CHD6: variants seen among roughly 807,000 people sequenced by gnomAD.
The protein encoded by CHD6 is chromodomain helicase DNA binding protein 6, also known as ATP-dependent chromatin remodeler CHD6.
In CHD6, 50 loss-of-function variants were observed where a neutral mutation model predicts 276.9. The observed-to-expected ratio is 0.18, with a 90% CI of 0.14 to 0.23. CHD6 has a LOEUF of 0.23. Ranked by LOEUF, CHD6 falls within the 10% of genes least tolerant of loss-of-function variation. The pLI is 1.00. For missense variants in CHD6, 2,564 were observed against 3,365.8 expected (o/e 0.76, Z 5.89); for synonymous variants, 1,173 against 1,229.3 (o/e 0.95, Z 0.96).
chr20:41,613,775 C>T (rs2045910713), intron 1 of CHD6, among the ~76,000 whole-genome samples: 1 of 152,112 alleles, frequency 6.6e-6, no homozygotes, highest in Admixed American at 6.5e-5. Context: ...GGCACAGATC[C>T]GTTTGAGAAT....
intron 2 of CHD6, among the ~76,000 whole-genome samples, chr20:41,539,225 T>G (rs190755856): frequency 1.2e-3 from 186 of 152,348 alleles, no homozygotes; most frequent in Admixed American, 2.5e-3. Context: ...ACTGGCTCTG[T>G]GAGGTGTGCT....
chr20:41,593,503 T>G (rs953174781), intron 1 of CHD6, among the ~76,000 whole-genome samples: 1 of 152,186 alleles, frequency 6.6e-6, no homozygotes, highest in East Asian at 1.9e-4. Flanking sequence ...CCTACAACAC[T>G]GCTACCTGCT....
At chr20:41,459,682 G>A (rs186491006) in intron 17 of CHD6, among the ~76,000 whole-genome samples, 212 of 152,222 alleles carry the variant, frequency 1.4e-3, no homozygotes, top group Non-Finnish European at 2.5e-3. Flanking sequence ...ACAGCCTTTC[G>A]CCTCTTGCCA....
chr20:41,471,215 C>A (rs1319456907), intron 17 of CHD6, among the ~76,000 whole-genome samples: 1 of 152,158 alleles, frequency 6.6e-6, no homozygotes, highest in Non-Finnish European at 1.5e-5. Flanking sequence ...GATTATATTC[C>A]AATAAAACTA....
At chr20:41,454,880 A>G (rs2048337593) in intron 19 of CHD6, 144 bp from the exon 20 acceptor site, 4 of 494,448 alleles carry the variant, frequency 8.1e-6, no homozygotes, top group Non-Finnish European at 1.4e-5. Flanking sequence ...AAATGAATTG[A>G]AAATCTCAAG....
At chr20:41,414,905 G>T in intron 34 of CHD6, 1 of 1,293,302 alleles carries the variant, frequency 7.7e-7, no homozygotes, top group Non-Finnish European at 9.8e-7. Context: ...GCCGTCAACA[G>T]TGGCTCTTCT....
intron 1 of CHD6, among the ~76,000 whole-genome samples, chr20:41,556,221 C>T (rs567168960): frequency 1.3e-5 from 2 of 151,578 alleles, no homozygotes; most frequent in African/African-American, 4.8e-5. Flanking sequence ...AGCTTTGGCT[C>T]GGCATCAGAG....
chr20:41,589,757 T>C (rs1239805228), intron 1 of CHD6, among the ~76,000 whole-genome samples: 1 of 152,166 alleles, frequency 6.6e-6, no homozygotes, highest in Non-Finnish European at 1.5e-5. Flanking sequence ...TGCTCATGGA[T>C]AGGAAGAATC....
At chr20:41,480,266 G>C (rs1299352393) in intron 16 of CHD6, among the ~76,000 whole-genome samples, 1 of 152,174 alleles carries the variant, frequency 6.6e-6, no homozygotes, top group African/African-American at 2.4e-5. Context: ...ACAGGCCAGG[G>C]AGGAGGAAGT....
intron 2 of CHD6, among the ~76,000 whole-genome samples, chr20:41,533,856 A>G (rs555369522): frequency 6.6e-6 from 1 of 152,286 alleles, no homozygotes; most frequent in Non-Finnish European, 1.5e-5. Flanking sequence ...ATGATCATCT[A>G]ATCTAGCCAC....
chr20:41,438,212 G>A (rs1475442298), intron 26 of CHD6, among the ~76,000 whole-genome samples: 1 of 152,176 alleles, frequency 6.6e-6, no homozygotes, highest in Non-Finnish European at 1.5e-5. Context: ...TCAGACCCTT[G>A]ATGCTAGCTC....
intron 25 of CHD6, among the ~76,000 whole-genome samples, chr20:41,443,689 T>C (rs2047970291): frequency 6.6e-6 from 1 of 152,200 alleles, no homozygotes; most frequent in African/African-American, 2.4e-5. Flanking sequence ...CAGGGATCTG[T>C]TTCTTTAGCT....
In CHD6 at chr20:41,460,663, C is replaced by T. The variant is rs964581145; in HGVS notation, c.2665-3235G>A. On this transcript the variant is annotated intron_variant, in intron 17 of 36. Transcript: ENST00000373233. ...AAGAATTGAGATTTGGGAACCTCCACTTAAATTTTAGATGTATGCAAATGC... is the reference window on the plus strand; with the variant it reads ...AAGAATTGAGATTTGGGAACCTCCATTTAAATTTTAGATGTATGCAAATGC... 3.3e-5 allele frequency among the ~76,000 whole-genome samples: 5 copies of T among 152,220 alleles called. No individual in the cohort carries two copies. The South Asian group carries it at 1.0e-3, about 31-fold the overall frequency.
At chr20:41,469,277 G>C (rs2043000373) in intron 17 of CHD6, among the ~76,000 whole-genome samples, 2 of 152,112 alleles carry the variant, frequency 1.3e-5, no homozygotes, top group Non-Finnish European at 2.9e-5. Context: ...TTAGCAGCAG[G>C]AAGGACGCAG....
chr20:41,494,460 G>A (rs1442698548), intron 8 of CHD6, among the ~76,000 whole-genome samples: 1 of 152,160 alleles, frequency 6.6e-6, no homozygotes, highest in East Asian at 1.9e-4. Flanking sequence ...TTCAAAAAAA[G>A]TTTACTACAA....
At chr20:41,486,972 A>G (rs1384089447) in intron 14 of CHD6, among the ~76,000 whole-genome samples, 1 of 152,166 alleles carries the variant, frequency 6.6e-6, no homozygotes, top group Non-Finnish European at 1.5e-5. Context: ...TCTCAAATAG[A>G]TGTAACCTGT....
At chr20:41,609,664 C>A (rs2045864816) in intron 1 of CHD6, among the ~76,000 whole-genome samples, 1 of 152,116 alleles carries the variant, frequency 6.6e-6, no homozygotes, top group Non-Finnish European at 1.5e-5. Context: ...ACATAGGACA[C>A]CCGTTACTGT....
chr20:41,472,129 G>A (rs1247526346), intron 17 of CHD6, among the ~76,000 whole-genome samples: 1 of 152,036 alleles, frequency 6.6e-6, no homozygotes, highest in African/African-American at 2.4e-5. Flanking sequence ...AGCTACGCAG[G>A]AGGCTGAGGC....
rs1339467079 is a variant in CHD6 at position 41,403,616 on chromosome 20, C to CAA, written c.*975_*976dup. On this transcript the variant is annotated 3_prime_UTR_variant, in exon 37 of 37. Transcript: ENST00000373233. ...GATCAAAGGACCTACTAGCAAGTGT[C>CAA]AAAGTGTTGGGCAACTGTCTTCTTG... 2 of 1,062,184 alleles carry CAA rather than the reference C, an allele frequency of 1.9e-6. No homozygotes were observed. Among genetic ancestry groups the CAA allele is most frequent in the African/African-American group, 3.3e-5 (2 of 60,868 alleles). The allele number at this position is 1,062,184 out of a possible 1,614,324, so 65.8% of individuals were successfully genotyped here. A position where few individuals can be genotyped will look rare whatever the true frequency, so the allele number is the denominator to read the frequency against.
Sources: gnomAD v4.1 joint callset for allele counts (sites outside exome capture counted in the v4.1 genomes callset) on GRCh38, gnomAD v4.1.1 for gene constraint, MANE v1.5 for transcripts, NCBI Gene and HGNC (gene_info 2026-07-23, HGNC 2026-07-21) for gene names.